Variants in SORD observed in about 807,000 individuals in gnomAD.
SORD encodes the protein (R,R)-butanediol dehydrogenase.
Under a neutral mutation model 35.6 loss-of-function variants are expected in SORD, and 18 were observed. The ratio of observed to expected loss-of-function variants is 0.51; its 90% CI spans 0.35 to 0.75. The LOEUF (loss-of-function observed/expected upper bound fraction) is 0.75. Ranked by LOEUF, SORD falls within the 30% of genes least tolerant of loss-of-function variation. The pLI is 0.01. For synonymous variants in SORD, 106 were observed against 152.9 expected (o/e 0.69, Z 2.26); for missense variants, 250 against 390.2 (o/e 0.64, Z 3.03).
intron 1 of SORD, among the ~76,000 whole-genome samples, chr15:45,027,970 T>C (rs1288585253): frequency 6.6e-6 from 1 of 152,270 alleles, no homozygotes; most frequent in Admixed American, 6.5e-5. Flanking sequence ...AATTTTACTT[T>C]TTCCAGTCGG....
chr15:45,058,692 G>T (rs1893255382), intron 3 of SORD: 1 of 152,202 alleles, frequency 6.6e-6, no homozygotes, highest in Admixed American at 6.5e-5. Context: ...AGGTTGGAGT[G>T]AAAGTTTAAT....
At chr15:45,029,893 A>T (rs1387785676) in intron 1 of SORD, among the ~76,000 whole-genome samples, 1 of 152,230 alleles carries the variant, frequency 6.6e-6, no homozygotes, top group Non-Finnish European at 1.5e-5. Context: ...CTACCAACTG[A>T]GTCTGGGATC....
At chr15:45,044,702 CTTTT>C (rs58726175) in intron 3 of SORD, among the ~76,000 whole-genome samples, 10 of 114,484 alleles carry the variant, frequency 8.7e-5, no homozygotes, top group Admixed American at 1.8e-4. Context: ...CTTTCTTTTT[CTTTT>C]TTTTTTTTTT....
chr15:45,061,830 C>T (rs1351637732), intron 4 of SORD, among the ~76,000 whole-genome samples: 17 of 152,006 alleles, frequency 1.1e-4, no homozygotes, highest in Non-Finnish European at 2.4e-4. Flanking sequence ...GATGGCGCCA[C>T]TGCACTCCAG....
intron 1 of SORD, among the ~76,000 whole-genome samples, chr15:45,039,005 C>A (rs1892920316): frequency 6.6e-6 from 1 of 152,200 alleles, no homozygotes; most frequent in African/African-American, 2.4e-5. Context: ...GTAGCATGAC[C>A]TTGACCAAGT....
chr15:45,067,293 C>T (rs1308829263), intron 5 of SORD, among the ~76,000 whole-genome samples: 2 of 152,084 alleles, frequency 1.3e-5, no homozygotes, highest in Admixed American at 1.3e-4. Context: ...ACCCGGGAGG[C>T]GGAGGTTGCA....
At chr15:45,050,484 G>A (rs528637453) in intron 3 of SORD, 1 of 152,334 alleles carries the variant, frequency 6.6e-6, no homozygotes, top group Admixed American at 6.5e-5. Context: ...GAGCCTGTTA[G>A]AAAGTGACAT....
At chr15:45,042,845 G>T (rs1180235178) in intron 2 of SORD, among the ~76,000 whole-genome samples, 7 of 151,272 alleles carry the variant, frequency 4.6e-5, no homozygotes, top group African/African-American at 1.2e-4. Flanking sequence ...TCAGGTAAGA[G>T]TTGATGTTGC....
chr15:45,035,047 C>T (rs1254135214), intron 1 of SORD, among the ~76,000 whole-genome samples: 1 of 152,178 alleles, frequency 6.6e-6, no homozygotes, highest in Non-Finnish European at 1.5e-5. Flanking sequence ...CTCGATTTCT[C>T]GCCGGGCCTT....
rs1893297194 is a variant in SORD, at chr15:45,061,094, C to A, written c.293C>A (p.Ala98Asp). 1.2e-6 allele frequency: 2 copies of A among 1,614,144 alleles called. No individual in the cohort carries two copies. The highest frequency in any genetic ancestry group is 1.7e-6 in the Non-Finnish European group (2 of 1,180,024). The part of the protein sequence containing the change: ...PGDRVAIEPG[A>D]PRENDEFCKM... The stretch of plus-strand genomic sequence containing the variant: ...GATCGTGTTGCCATCGAGCCTGGTG[C>A]TCCCCGAGAAAATGATGAATTCTGC... The change falls in exon 4 of 9, where the codon GCT becomes GAT. Residue 98 changes from alanine to aspartate, a missense_variant. This residue lies in a region of SORD where 126 missense variants were observed against 148.7 expected (regional missense o/e 0.85). Coordinates refer to ENST00000267814, the MANE Select transcript of SORD (RefSeq NM_003104.6).
intron 7 of SORD, among the ~76,000 whole-genome samples, chr15:45,069,452 C>A (rs751607722): frequency 6.6e-6 from 1 of 151,918 alleles, no homozygotes; most frequent in Non-Finnish European, 1.5e-5. Context: ...CCTCATGATC[C>A]GCCCTCCTCG....
Position 45,043,842 on chromosome 15 carries a change from C to T in SORD, c.265+421C>T, listed in dbSNP as rs567329114. Reference sequence around the variant, plus strand: ...TTTTATTAGATGGCTGGGAAACCACCATTATTTTTCCTAGATTTACTAAAT... The same window carrying T: ...TTTTATTAGATGGCTGGGAAACCACTATTATTTTTCCTAGATTTACTAAAT... On this transcript the variant is annotated intron_variant, in intron 3 of 8. Transcript: ENST00000267814. Among the ~76,000 whole-genome samples the T allele has an allele frequency of 7.5e-3, 1,133 of 151,476 alleles. 6 individuals carry two copies. The highest frequency in any genetic ancestry group is 0.026 in the African/African-American group (1,086 of 41,124).
intron 1 of SORD, among the ~76,000 whole-genome samples, chr15:45,034,810 C>T (rs965764457): frequency 6.6e-6 from 1 of 152,234 alleles, no homozygotes; most frequent in Non-Finnish European, 1.5e-5. Context: ...AGCCGGCTCC[C>T]TCAGCTTGCA....
intron 1 of SORD, among the ~76,000 whole-genome samples, 200 bp from the exon 2 acceptor site, chr15:45,040,208 G>C (rs533025945): frequency 2.0e-5 from 3 of 151,890 alleles, no homozygotes; most frequent in Non-Finnish European, 4.4e-5. Flanking sequence ...GAAAAGTGAC[G>C]AAGGGCTAGG....
rs1033877294 is a variant in SORD at position 45,075,322 on chromosome 15, C to G, written c.*1792C>G. The G allele has an allele frequency of 7.4e-6, 1 of 134,546 alleles. No homozygotes were observed. The highest frequency in any genetic ancestry group is 1.5e-5 in the Non-Finnish European group (1 of 67,540). 8.3% of individuals were successfully genotyped at this position (134,546 alleles called of 1,614,324 possible). On this transcript the variant is annotated 3_prime_UTR_variant, in exon 9 of 9. Coordinates refer to ENST00000267814, the MANE Select transcript of SORD (RefSeq NM_003104.6). ...CACTAAGCAGTCTTGGTGGAAACAT[C>G]TTCCTCACGCCCTGTGCCCCCTTTC...
intron 3 of SORD, among the ~76,000 whole-genome samples, chr15:45,056,801 A>T (rs1893224960): frequency 6.6e-6 from 1 of 152,232 alleles, no homozygotes; most frequent in African/African-American, 2.4e-5. Context: ...ATATTTAAGC[A>T]AAGAAAACTG....
intron 4 of SORD, among the ~76,000 whole-genome samples, 163 bp downstream of exon 4, chr15:45,061,389 C>G (rs1178397551): frequency 6.6e-6 from 1 of 152,106 alleles, no homozygotes; most frequent in Non-Finnish European, 1.5e-5. Context: ...AGAGGGTAGC[C>G]TCCCTAGGAA....
Position 45,042,861 on chromosome 15 carries a change from TGAG to T in SORD, c.101-392_101-390del, listed in dbSNP as rs975254262. Among the ~76,000 whole-genome samples the T allele has an allele frequency of 2.7e-4, 41 of 151,568 alleles. 1 individual carries two copies. Among genetic ancestry groups the T allele is most frequent in the Admixed American group, 1.9e-3 (29 of 15,216 alleles). On this transcript the variant is annotated intron_variant, in intron 2 of 8. Coordinates refer to ENST00000267814, the MANE Select transcript of SORD (RefSeq NM_003104.6). The stretch of plus-strand genomic sequence containing the variant: ...CAGGTAAGAGTTGATGTTGCAGTCT[TGAG>T]GAGAATTCCTTCTCCTTCAGAAAAC...
intron 1 of SORD, among the ~76,000 whole-genome samples, chr15:45,025,624 CAAAA>C (rs34029087): frequency 2.3e-4 from 16 of 68,228 alleles, no homozygotes; most frequent in East Asian, 2.0e-3. Context: ...AAAACTATGT[CAAAA>C]AAAAAAAAAA....
Sources: allele counts gnomAD v4.1 joint callset (sites outside exome capture counted in the v4.1 genomes callset), GRCh38; gene constraint gnomAD v4.1.1; regional missense constraint gnomAD v4.1.1; transcripts MANE v1.5; gene names NCBI Gene and HGNC (gene_info 2026-07-23, HGNC 2026-07-21).